NRG3: variants seen among roughly 807,000 people sequenced by gnomAD.
NRG3 encodes the protein pro-neuregulin-3, membrane-bound isoform.
A neutral mutation model predicts 66.9 loss-of-function variants in NRG3; 31 were observed. The ratio of observed to expected loss-of-function variants is 0.46; its 90% CI spans 0.35 to 0.63. NRG3 has a LOEUF of 0.63. NRG3 is among the 20% of genes least tolerant of loss of function. NRG3 has a pLI of 0.00. For synonymous variants in NRG3, 393 were observed against 359.4 expected, an observed-to-expected ratio of 1.09 and a Z score of -1.06; for missense variants, 910 against 878.9, an observed-to-expected ratio of 1.04 and a Z score of -0.45.
intron 1 of NRG3, among the ~76,000 whole-genome samples, chr10:82,234,879 T>C (rs971578876): frequency 6.6e-6 from 1 of 152,244 alleles, no homozygotes; most frequent in African/African-American, 2.4e-5. Flanking sequence ...TCTCCACTGA[T>C]AACTTTCTTC....
At chr10:82,676,245 C>T (rs2053674642) in intron 2 of NRG3, among the ~76,000 whole-genome samples, 1 of 152,104 alleles carries the variant, frequency 6.6e-6, no homozygotes, top group Admixed American at 6.5e-5. Context: ...AATTGAACTT[C>T]TGTCTTCATT....
intron 4 of NRG3, among the ~76,000 whole-genome samples, chr10:82,902,762 G>T (rs967534792): frequency 2.0e-5 from 3 of 151,728 alleles, no homozygotes; most frequent in Non-Finnish European, 4.4e-5. Context: ...GAACAACATG[G>T]GTTTGAACTG....
chr10:81,938,292 A>G (rs1203580290), intron 1 of NRG3, among the ~76,000 whole-genome samples: 1 of 152,094 alleles, frequency 6.6e-6, no homozygotes, highest in African/African-American at 2.4e-5. Flanking sequence ...AAGGGATTTC[A>G]ATGAATCAGA....
chr10:82,303,144 A>G (rs1040557002), intron 1 of NRG3, among the ~76,000 whole-genome samples: 4 of 152,196 alleles, frequency 2.6e-5, no homozygotes, highest in Non-Finnish European at 5.9e-5. Flanking sequence ...CTCAAGTAAG[A>G]TAAACTTTAA....
At chr10:82,276,957 T>C (rs2078881087) in intron 1 of NRG3, among the ~76,000 whole-genome samples, 1 of 152,044 alleles carries the variant, frequency 6.6e-6, no homozygotes, top group African/African-American at 2.4e-5. Context: ...CTGAAGTGTC[T>C]TATAAACTTT....
At chr10:82,252,763 T>G (rs1339676976) in intron 1 of NRG3, among the ~76,000 whole-genome samples, 1 of 152,158 alleles carries the variant, frequency 6.6e-6, no homozygotes, top group Non-Finnish European at 1.5e-5. Context: ...GTATAATCAG[T>G]ACCAAAAACT....
chr10:82,958,200 G>A (rs1264931590), intron 5 of NRG3, among the ~76,000 whole-genome samples: 1 of 152,216 alleles, frequency 6.6e-6, no homozygotes, highest in Non-Finnish European at 1.5e-5. Context: ...TATGGAGGCA[G>A]GTTGGCTGGG....
chr10:82,311,596 C>A (rs183144955), intron 1 of NRG3, among the ~76,000 whole-genome samples: 192 of 152,278 alleles, frequency 1.3e-3, no homozygotes, highest in African/African-American at 4.4e-3. Context: ...TAGGAATGTT[C>A]AGTGTGGCAG....
chr10:82,770,504 G>C (rs1435861865), intron 3 of NRG3, among the ~76,000 whole-genome samples: 1 of 152,120 alleles, frequency 6.6e-6, no homozygotes, highest in Non-Finnish European at 1.5e-5. Context: ...GTTTGTACCA[G>C]AATATGTCTC....
At chr10:82,299,584 G>GT (rs531523436) in intron 1 of NRG3, among the ~76,000 whole-genome samples, 152 of 148,688 alleles carry the variant, frequency 1.0e-3, no homozygotes, top group Non-Finnish European at 1.8e-3. Flanking sequence ...AGTTTGTTTT[G>GT]TTTTTTTGAA....
At chr10:82,447,423 A>T (rs975289359) in intron 2 of NRG3, among the ~76,000 whole-genome samples, 7 of 152,338 alleles carry the variant, frequency 4.6e-5, no homozygotes, top group African/African-American at 1.7e-4. Flanking sequence ...ATCCCTAAAA[A>T]AATTAATAAA....
At position 82,256,458 on chromosome 10, in the gene NRG3, C is replaced by T. The variant is rs371946759; in HGVS notation, c.824-102281C>T. ...GGCTCACTGCCCTCTTCAGGTGTCA[C>T]GCTGGATGTTCTCAAGTTATCTCTG... On this transcript the variant is annotated intron_variant, in intron 1 of 8. Transcript: ENST00000372141. Among the ~76,000 whole-genome samples, 5 of 152,104 alleles carry T rather than the reference C, an allele frequency of 3.3e-5. 1 individual carries two copies. Among genetic ancestry groups the T allele is most frequent in the Non-Finnish European group, 5.9e-5 (4 of 68,042 alleles).
intron 1 of NRG3, among the ~76,000 whole-genome samples, chr10:82,208,352 T>C (rs929635692): frequency 1.3e-5 from 2 of 152,160 alleles, no homozygotes; most frequent in African/African-American, 4.8e-5. Context: ...ATATTAGGTA[T>C]TTTGGAAAAC....
chr10:82,528,668 T>G (rs907404034), intron 2 of NRG3, among the ~76,000 whole-genome samples: 1 of 152,190 alleles, frequency 6.6e-6, no homozygotes, highest in South Asian at 2.1e-4. Flanking sequence ...GCTTGTGGCC[T>G]TCAAACAGTG....
chr10:82,764,987 C>G (rs1026180970), intron 3 of NRG3, among the ~76,000 whole-genome samples: 2 of 152,060 alleles, frequency 1.3e-5, no homozygotes, highest in African/African-American at 4.8e-5. Flanking sequence ...ACTCTTTATT[C>G]AGTATGATCC....
chr10:82,176,443 C>T (rs576689017), intron 1 of NRG3, among the ~76,000 whole-genome samples: 1 of 152,204 alleles, frequency 6.6e-6, no homozygotes, highest in Non-Finnish European at 1.5e-5. Flanking sequence ...CCTCTTTTTG[C>T]TCTCAGCAGA....
In NRG3 at chr10:82,959,042, G is replaced by C; in HGVS notation, c.1251G>C (p.Glu417Asp). 1 of 1,606,398 alleles carries C rather than the reference G, an allele frequency of 6.2e-7. No homozygotes were observed. Among genetic ancestry groups the C allele is most frequent in the Non-Finnish European group, 8.5e-7 (1 of 1,177,760 alleles). ...LKASSTMAKS[E>D]NLVKSHVQLQ... ...CATCCAGCACAATGGCAAAGTCAGAGAACTTGGTGAAGAGCCATGTCCAGC... is the reference window on the plus strand; with the variant it reads ...CATCCAGCACAATGGCAAAGTCAGACAACTTGGTGAAGAGCCATGTCCAGC... The change falls in exon 6 of 9, where the codon GAG becomes GAC. Residue 417 changes from glutamate to aspartate, a missense_variant. Glu to Asp is a conservative substitution (Grantham distance 45). Coordinates refer to ENST00000372141, the MANE Select transcript of NRG3 (RefSeq NM_001010848.4).
At chr10:82,884,834 G>T (rs1842600437) in intron 4 of NRG3, among the ~76,000 whole-genome samples, 1 of 152,248 alleles carries the variant, frequency 6.6e-6, no homozygotes, top group African/African-American at 2.4e-5. Context: ...TGTTGCCACT[G>T]GTCTGACCAA....
intron 1 of NRG3, among the ~76,000 whole-genome samples, chr10:81,909,459 G>A (rs111269653): frequency 2.0e-5 from 3 of 152,260 alleles, no homozygotes; most frequent in African/African-American, 7.2e-5. Flanking sequence ...TGTGGTGAGG[G>A]TGTTGGTGAT....
Sources: allele counts gnomAD v4.1 joint callset (sites outside exome capture counted in the v4.1 genomes callset), GRCh38; gene constraint gnomAD v4.1.1; transcripts MANE v1.5; gene names NCBI Gene and HGNC (gene_info 2026-07-23, HGNC 2026-07-21).